The following UBALD2 variants were observed in gnomAD, a reference collection of about 807,000 sequenced individuals.
UBALD2 encodes UBA like domain containing 2.
Under a neutral mutation model 15.9 loss-of-function variants are expected in UBALD2, and 8 were observed. The observed-to-expected ratio is 0.50, with a 90% CI of 0.29 to 0.91. The LOEUF is 0.91. UBALD2 is among the 40% of genes least tolerant of loss of function. UBALD2 has a pLI of 0.07. For missense variants in UBALD2, 178 were observed against 234.8 expected (o/e 0.76, Z 1.58); for synonymous variants, 113 against 97.7 (o/e 1.16, Z -0.93).
Position 76,269,044 on chromosome 17 carries a change from T to C in UBALD2, c.184-1150T>C, listed in dbSNP as rs1439050057. On this transcript the variant is annotated intron_variant, in intron 2 of 2. Transcript: ENST00000327490. The surrounding 1 kb of genome is among the most constrained non-coding windows in gnomAD (Gnocchi z 4.6). Reference sequence around the variant, plus strand: ...GCCACTGCGCCCTGCCAAAGCTCCCTCTTTCAAGGTGAAGAGCCCTCAAGT... The same window carrying C: ...GCCACTGCGCCCTGCCAAAGCTCCCCCTTTCAAGGTGAAGAGCCCTCAAGT... Among the ~76,000 whole-genome samples the C allele has an allele frequency of 6.6e-6, 1 of 152,126 alleles. No individual in the cohort carries two copies. Among genetic ancestry groups the C allele is most frequent in the African/African-American group, 2.4e-5 (1 of 41,426 alleles).
chr17:76,265,374 G>A lies in UBALD2; in HGVS notation c.-132G>A. On this transcript the variant is annotated 5_prime_UTR_variant, in exon 1 of 3. Transcript: ENST00000327490. ...CAACATTCGCCGGGCGGGCGGCGGC[G>A]GAGCGGGCGGCGGAGCGGCGGCAGC... The A allele has an allele frequency of 2.2e-6, 2 of 899,040 alleles. No homozygotes were observed. The highest frequency in any genetic ancestry group is 4.9e-5 in the South Asian group (1 of 20,450). The allele number at this position is 899,040 out of a possible 1,614,324, so 55.7% of individuals were successfully genotyped here.
At chr17:76,267,236 C>T (rs1260189643) in intron 2 of UBALD2, among the ~76,000 whole-genome samples, 1 of 152,172 alleles carries the variant, frequency 6.6e-6, no homozygotes, top group East Asian at 1.9e-4. Flanking sequence ...TCAGAACTTC[C>T]AGATACTACA....
chr17:76,266,112 G>A (rs2143055500), intron 2 of UBALD2, 143 bp downstream of exon 2: 1 of 1,119,206 alleles, frequency 8.9e-7, no homozygotes, highest in South Asian at 1.5e-5. Context: ...GGCCGGCGCT[G>A]GCGCCTCCAA....
At chr17:76,266,065 A>G in intron 2 of UBALD2, 96 bp downstream of exon 2, 1 of 1,422,544 alleles carries the variant, frequency 7.0e-7, no homozygotes, top group Non-Finnish European at 9.5e-7. Context: ...AATGTAAACA[A>G]AGAGCCAAAA....
intron 1 of UBALD2, 63 bp from the exon 2 acceptor site, chr17:76,265,844 G>C: frequency 6.5e-7 from 1 of 1,541,108 alleles, no homozygotes; most frequent in Non-Finnish European, 8.8e-7. Context: ...CCGGTGGGGG[G>C]CCCAGCCGCT....
chr17:76,266,376 ACCCCCTCGTGCTGTTGAGTGGTTTC>A (rs1190436876), intron 2 of UBALD2, among the ~76,000 whole-genome samples: 3 of 149,810 alleles, frequency 2.0e-5, no homozygotes, highest in Non-Finnish European at 4.4e-5. Flanking sequence ...GTTTATGGGG[ACCCCCTCGTGCTGTTGAGTGGTTTC>A]CCCCCTCCCC....
intron 1 of UBALD2, 102 bp downstream of exon 1, chr17:76,265,727 C>G: frequency 7.8e-7 from 1 of 1,276,652 alleles, no homozygotes; most frequent in South Asian, 2.2e-5. Flanking sequence ...AGGCGATCGG[C>G]GCCCGCGAGC....
chr17:76,270,359 C>T lies in UBALD2; in HGVS notation c.349C>T (p.Pro117Ser). 1 of 1,573,462 alleles carries T rather than the reference C, an allele frequency of 6.4e-7. No homozygotes were observed. Residue 117 changes from proline to serine, a missense_variant, in exon 3 of 3, where the codon CCG becomes TCG. Pro to Ser is a moderately conservative substitution (Grantham distance 74). Transcript: ENST00000327490. ...ANFSPFWASS[P>S]PSHQAPWIPP... The stretch of plus-strand genomic sequence containing the variant: ...CTTCAGCCCCTTCTGGGCCTCGTCC[C>T]CGCCCAGCCACCAGGCGCCCTGGAT...
At chr17:76,266,714 C>T (rs1429111141) in intron 2 of UBALD2, among the ~76,000 whole-genome samples, 1 of 152,146 alleles carries the variant, frequency 6.6e-6, no homozygotes, top group Non-Finnish European at 1.5e-5. Context: ...TTTTGCCCTC[C>T]TGGCCATGGG....
chr17:76,265,740 G>C (rs553508691), intron 1 of UBALD2, 115 bp downstream of exon 1: 4 of 1,324,418 alleles, frequency 3.0e-6, no homozygotes, highest in East Asian at 3.2e-5. Flanking sequence ...CCGCGAGCGG[G>C]TCTTACGCGG....
chr17:76,266,853 G>A (rs534033386), intron 2 of UBALD2, among the ~76,000 whole-genome samples: 1 of 152,180 alleles, frequency 6.6e-6, no homozygotes, highest in African/African-American at 2.4e-5. Flanking sequence ...CCCCAGGAGA[G>A]CTGTTGTGGA....
At position 76,269,794 on chromosome 17, in the gene UBALD2, G is replaced by C. The variant is rs1455839586; in HGVS notation, c.184-400G>C. On this transcript the variant is annotated intron_variant, in intron 2 of 2. Coordinates refer to ENST00000327490, the MANE Select transcript of UBALD2 (RefSeq NM_182565.4). This position sits in a 1 kb window ranked among gnomAD's most constrained non-coding sequence, Gnocchi z 4.6. Reference sequence around the variant, plus strand: ...GCTGGCCGCTCTCCCTTGCCTAGCAGCCTGGGAGCATCTGAGGGTGGCTGG... The same window carrying C: ...GCTGGCCGCTCTCCCTTGCCTAGCACCCTGGGAGCATCTGAGGGTGGCTGG... 2.0e-5 allele frequency among the ~76,000 whole-genome samples: 3 copies of C among 152,140 alleles called. No individual in the cohort carries two copies. In the East Asian group the frequency reaches 5.8e-4, roughly 29 times the overall value.
At chr17:76,265,684 G>A (rs2070539414) in intron 1 of UBALD2, 59 bp downstream of exon 1, 3 of 1,165,082 alleles carry the variant, frequency 2.6e-6, no homozygotes, top group Non-Finnish European at 3.2e-6. Flanking sequence ...GGGCGGCGGC[G>A]GGGGCGGGGA....
At position 76,269,769 on chromosome 17, in the gene UBALD2, G is replaced by A. The variant is rs964847616; in HGVS notation, c.184-425G>A. On this transcript the variant is annotated intron_variant, in intron 2 of 2. Coordinates refer to ENST00000327490, the MANE Select transcript of UBALD2 (RefSeq NM_182565.4). The surrounding 1 kb of genome is among the most constrained non-coding windows in gnomAD (Gnocchi z 4.6). ...TTGGCACAGGAGGGAGAGCCTCCCC[G>A]CTGGCCGCTCTCCCTTGCCTAGCAG... is the stretch of plus-strand genomic sequence containing the variant. 3.1e-4 allele frequency among the ~76,000 whole-genome samples: 47 copies of A among 152,106 alleles called. No individual in the cohort carries two copies. The highest frequency in any genetic ancestry group is 4.4e-5 in the Non-Finnish European group (3 of 67,998).
At chr17:76,268,729 CTGTT>C (rs1244623664) in intron 2 of UBALD2, among the ~76,000 whole-genome samples, 3 of 143,220 alleles carry the variant, frequency 2.1e-5, no homozygotes, top group Admixed American at 6.8e-5. Flanking sequence ...AAAGCTCCCT[CTGTT>C]TTTTTTTTTT....
chr17:76,266,799 G>A (rs1305897998), intron 2 of UBALD2, among the ~76,000 whole-genome samples: 1 of 152,128 alleles, frequency 6.6e-6, no homozygotes, highest in East Asian at 1.9e-4. Context: ...CCCTGCTGGG[G>A]GAGGAGGGGC....
In UBALD2 at chr17:76,269,445, G is replaced by A. The variant is rs77648154; in HGVS notation, c.184-749G>A. 4.0e-5 allele frequency among the ~76,000 whole-genome samples: 6 copies of A among 151,628 alleles called. No homozygotes were observed. In the East Asian group the frequency reaches 9.7e-4, roughly 24 times the overall value. Reference sequence around the variant, plus strand: ...GAAATCCCTGGTTTGTGTCCTCAAGGGGCCCAGATATAAAGGGGCTCTTGA... The same window carrying A: ...GAAATCCCTGGTTTGTGTCCTCAAGAGGCCCAGATATAAAGGGGCTCTTGA... On this transcript the variant is annotated intron_variant, in intron 2 of 2. Transcript: ENST00000327490. The surrounding 1 kb of genome is among the most constrained non-coding windows in gnomAD (Gnocchi z 4.6).
At chr17:76,268,731 G>GTTTTTT (rs555489468) in intron 2 of UBALD2, among the ~76,000 whole-genome samples, 3 of 121,604 alleles carry the variant, frequency 2.5e-5, no homozygotes, top group Non-Finnish European at 5.0e-5. Flanking sequence ...AGCTCCCTCT[G>GTTTTTT]TTTTTTTTTT....
chr17:76,265,395 G>A lies in UBALD2; in HGVS notation c.-111G>A. ...CGGCGGAGCGGGCGGCGGAGCGGCG[G>A]CAGCAGCGGTGAGCGCGAGCCCCGG... On this transcript the variant is annotated 5_prime_UTR_variant, in exon 1 of 3. Coordinates refer to ENST00000327490, the MANE Select transcript of UBALD2 (RefSeq NM_182565.4). 1 of 947,798 alleles carries A rather than the reference G, an allele frequency of 1.1e-6. No individual in the cohort carries two copies. 58.7% of individuals were successfully genotyped at this position (947,798 alleles called of 1,614,324 possible). A position where few individuals can be genotyped will look rare whatever the true frequency, so the allele number is the denominator to read the frequency against.
Sources: gnomAD v4.1 joint callset for allele counts (sites outside exome capture counted in the v4.1 genomes callset) on GRCh38, gnomAD v4.1.1 for gene constraint, Gnocchi (gnomAD v3.1) non-coding constraint, MANE v1.5 for transcripts, NCBI Gene and HGNC (gene_info 2026-07-23, HGNC 2026-07-21) for gene names.